Variants in WWOX observed in about 807,000 individuals in gnomAD.
The protein encoded by WWOX is WW domain-containing oxidoreductase.
Under a neutral mutation model 46.2 loss-of-function variants are expected in WWOX, and 69 were observed. The observed-to-expected ratio is 1.49, with a 90% CI of 1.23 to 1.82. WWOX has a LOEUF of 1.82. WWOX is among the 40% of genes most tolerant of loss of function. The pLI is 0.00. For missense variants in WWOX, 919 were observed against 542.6 expected (o/e 1.69, Z -6.89); for synonymous variants, 359 against 202.6 (o/e 1.77, Z -6.56).
intron 8 of WWOX, among the ~76,000 whole-genome samples, chr16:79,014,946 G>A (rs192802582): frequency 6.6e-6 from 1 of 152,318 alleles, no homozygotes; most frequent in East Asian, 1.9e-4. Flanking sequence ...AATGCTCTGT[G>A]ATATGTAGGA....
intron 8 of WWOX, among the ~76,000 whole-genome samples, chr16:78,668,369 C>T (rs578082583): frequency 4.0e-4 from 61 of 152,260 alleles, no homozygotes; most frequent in African/African-American, 1.4e-3. Context: ...TTGGGAATTC[C>T]GTAAGTACTT....
intron 8 of WWOX, among the ~76,000 whole-genome samples, chr16:79,030,715 C>G (rs1597301699): frequency 1.3e-5 from 2 of 152,282 alleles, no homozygotes; most frequent in South Asian, 2.1e-4. Context: ...GTATCTTCTA[C>G]CCTCCGGTTG....
At chr16:78,909,998 T>C (rs751284398) in intron 8 of WWOX, among the ~76,000 whole-genome samples, 56 of 152,360 alleles carry the variant, frequency 3.7e-4, no homozygotes, top group South Asian at 1.9e-3. Context: ...TGATTTAAGA[T>C]CAAATTTTTG....
At chr16:78,941,678 C>T (rs76466194) in intron 8 of WWOX, among the ~76,000 whole-genome samples, 2 of 152,212 alleles carry the variant, frequency 1.3e-5, no homozygotes, top group East Asian at 1.9e-4. Flanking sequence ...ATTTGCATCC[C>T]CCCTACTCAC....
chr16:78,897,811 C>T (rs532662246), intron 8 of WWOX: 8 of 152,240 alleles, frequency 5.3e-5, no homozygotes, highest in Admixed American at 1.3e-4. Flanking sequence ...GTTTATGTTG[C>T]TTCACATCCT....
At chr16:78,854,819 T>G (rs901358717) in intron 8 of WWOX, among the ~76,000 whole-genome samples, 1 of 152,014 alleles carries the variant, frequency 6.6e-6, no homozygotes, top group Non-Finnish European at 1.5e-5. Context: ...CGACCTCAGG[T>G]GATCTGCCCT....
At chr16:78,837,973 G>A (rs916160306) in intron 8 of WWOX, among the ~76,000 whole-genome samples, 2 of 152,164 alleles carry the variant, frequency 1.3e-5, no homozygotes, top group Non-Finnish European at 2.9e-5. Context: ...ACTTTGTGTT[G>A]TTCCAAAGGT....
At chr16:78,750,873 TTTTC>T (rs1253081037) in intron 8 of WWOX, among the ~76,000 whole-genome samples, 1 of 152,172 alleles carries the variant, frequency 6.6e-6, no homozygotes, top group African/African-American at 2.4e-5. Flanking sequence ...ACGTACCACA[TTTTC>T]TTTAACTAAT....
intron 8 of WWOX, among the ~76,000 whole-genome samples, chr16:79,000,886 G>T (rs1473005923): frequency 6.6e-6 from 1 of 152,204 alleles, no homozygotes; most frequent in South Asian, 2.1e-4. Context: ...TTGTCATGTT[G>T]CACTTATTTG....
At chr16:78,420,294 A>G (rs11863257) in intron 6 of WWOX, among the ~76,000 whole-genome samples, 3,598 of 152,244 alleles carry the variant, frequency 0.024, 136 homozygotes, top group African/African-American at 0.083. Flanking sequence ...GAAAACATGC[A>G]TTTCCATAGC....
At chr16:78,787,131 G>A (rs529394436) in intron 8 of WWOX, among the ~76,000 whole-genome samples, 1 of 152,336 alleles carries the variant, frequency 6.6e-6, no homozygotes, top group Non-Finnish European at 1.5e-5. Flanking sequence ...CTGGGCGACA[G>A]AGTGAGACTG....
At chr16:79,130,243 G>C (rs568265646) in intron 8 of WWOX, among the ~76,000 whole-genome samples, 1 of 152,296 alleles carries the variant, frequency 6.6e-6, no homozygotes, top group South Asian at 2.1e-4. Context: ...ACATACAACA[G>C]AGGGGACAAA....
chr16:79,139,238 GAGA>G (rs1477299960), intron 8 of WWOX, among the ~76,000 whole-genome samples: 4 of 152,334 alleles, frequency 2.6e-5, no homozygotes, highest in African/African-American at 7.2e-5. Flanking sequence ...ACAATGCAGA[GAGA>G]AGGACAGATT....
intron 8 of WWOX, among the ~76,000 whole-genome samples, chr16:78,923,993 T>G (rs2045441057): frequency 6.6e-6 from 1 of 152,028 alleles, no homozygotes; most frequent in Non-Finnish European, 1.5e-5. Context: ...GTTTTGTTTT[T>G]TTTAGTAGAG....
chr16:78,384,979 C>CA lies in WWOX; in HGVS notation c.517-1876dup, dbSNP rs556082927. On this transcript the variant is annotated intron_variant, in intron 5 of 8. Coordinates refer to ENST00000566780, the MANE Select transcript of WWOX (RefSeq NM_016373.4). ...TGAAACCCCGTCTGTACTGAAAATACAAAAATAAGCTGGGTGTGTTGGCAC... is the reference window on the plus strand; with the variant it reads ...TGAAACCCCGTCTGTACTGAAAATACAAAAAATAAGCTGGGTGTGTTGGCAC... Among the ~76,000 whole-genome samples, 404 of 152,186 alleles carry CA rather than the reference C, an allele frequency of 2.7e-3. 3 individuals are homozygous for CA. Among genetic ancestry groups the CA allele is most frequent in the African/African-American group, 9.5e-3 (395 of 41,496 alleles).
chr16:78,603,472 A>G (rs567346945), intron 8 of WWOX, among the ~76,000 whole-genome samples: 1 of 152,280 alleles, frequency 6.6e-6, no homozygotes, highest in South Asian at 2.1e-4. Flanking sequence ...AGGAGGACGG[A>G]TTACTTGAGG....
At chr16:78,564,200 T>C (rs2044508696) in intron 8 of WWOX, among the ~76,000 whole-genome samples, 1 of 152,234 alleles carries the variant, frequency 6.6e-6, no homozygotes, top group Admixed American at 6.5e-5. Flanking sequence ...CTGTTGTTTA[T>C]AGCCACTAAT....
chr16:78,432,589 T>A lies in WWOX; in HGVS notation c.893T>A (p.Leu298His). The change falls in exon 8 of 9, where the codon CTC becomes CAC. Residue 298 changes from leucine (L) to histidine (H), a missense_variant. Leu to His is a moderately conservative substitution (Grantham distance 99). Coordinates refer to ENST00000566780, the MANE Select transcript of WWOX (RefSeq NM_016373.4). Reference protein sequence around the residue: ...WAMLAYNRSKLCNILFSNELH... With the variant: ...WAMLAYNRSKHCNILFSNELH... Reference sequence around the variant, plus strand: ...ATGCTGGCTTATAACAGGTCCAAGCTCTGCAACATCCTCTTCTCCAACGAG... The same window carrying A: ...ATGCTGGCTTATAACAGGTCCAAGCACTGCAACATCCTCTTCTCCAACGAG... The A allele has an allele frequency of 1.2e-6, 2 of 1,614,178 alleles. No individual in the cohort carries two copies. Among genetic ancestry groups the A allele is most frequent in the Non-Finnish European group, 1.7e-6 (2 of 1,180,024 alleles).
rs560670381 is a variant in WWOX at position 78,548,612 on chromosome 16, C to T, written c.1056+115860C>T. On this transcript the variant is annotated intron_variant, in intron 8 of 8. Coordinates refer to ENST00000566780, the MANE Select transcript of WWOX (RefSeq NM_016373.4). ...ATCATCTCTCAAGGAACTGATGGGC[C>T]GGTTGACTCTAAATGATTTTGCCTT... is the stretch of plus-strand genomic sequence containing the variant. Among the ~76,000 whole-genome samples the T allele has an allele frequency of 8.0e-4, 122 of 152,246 alleles. 1 individual carries two copies. Among genetic ancestry groups the T allele is most frequent in the African/African-American group, 2.4e-3 (101 of 41,550 alleles).
Sources: allele counts gnomAD v4.1 joint callset (sites outside exome capture counted in the v4.1 genomes callset), GRCh38; gene constraint gnomAD v4.1.1; transcripts MANE v1.5; gene names NCBI Gene and HGNC (gene_info 2026-07-23, HGNC 2026-07-21).